The following TRIO variants were observed in gnomAD, a reference collection of about 807,000 sequenced individuals.
TRIO encodes the protein trio Rho guanine nucleotide exchange factor, also known as triple functional domain protein.
Under a neutral mutation model 351.9 loss-of-function variants are expected in TRIO, and 58 were observed. The observed-to-expected ratio is 0.16, with a 90% confidence interval of 0.13 to 0.21. TRIO has a LOEUF of 0.21. TRIO is among the 10% of genes least tolerant of loss of function. The probability of loss-of-function intolerance (pLI) is 1.00; values close to 1 mark genes in which losing one functional copy is unlikely to be tolerated. For synonymous variants in TRIO, 1,758 were observed against 1,595.7 expected, an observed-to-expected ratio of 1.10 and a Z score of -2.42; for missense variants, 3,201 against 4,027.8, an observed-to-expected ratio of 0.79 and a Z score of 5.56.
At chr5:14,454,365 G>A (rs372838466) in intron 34 of TRIO, among the ~76,000 whole-genome samples, 72 of 152,334 alleles carry the variant, frequency 4.7e-4, no homozygotes, top group African/African-American at 1.5e-3. Context: ...AGTAACACAA[G>A]TGAGAGATGA....
chr5:14,256,030 TAAAG>T (rs895619463), intron 1 of TRIO, among the ~76,000 whole-genome samples: 3 of 152,216 alleles, frequency 2.0e-5, no homozygotes. Context: ...TTTGTTGCTA[TAAAG>T]AAATATTGGA....
chr5:14,349,390 C>T (rs1161793257), intron 11 of TRIO, among the ~76,000 whole-genome samples: 1 of 152,154 alleles, frequency 6.6e-6, no homozygotes, highest in African/African-American at 2.4e-5. Context: ...GTGTGTTTTA[C>T]CCTATTATTC....
chr5:14,328,413 A>G (rs1243595304), intron 9 of TRIO, among the ~76,000 whole-genome samples: 2 of 152,242 alleles, frequency 1.3e-5, no homozygotes, highest in Non-Finnish European at 2.9e-5. Flanking sequence ...AATGCGCCCA[A>G]TATGCTATTT....
At chr5:14,186,700 C>A (rs1180785980) in intron 1 of TRIO, among the ~76,000 whole-genome samples, 2 of 152,074 alleles carry the variant, frequency 1.3e-5, no homozygotes, top group Non-Finnish European at 2.9e-5. Context: ...GCCTCAGCCT[C>A]CTAAGTAGTT....
intron 33 of TRIO, among the ~76,000 whole-genome samples, chr5:14,408,616 T>C (rs1271539411): frequency 1.3e-5 from 2 of 152,196 alleles, no homozygotes; most frequent in South Asian, 2.1e-4. Flanking sequence ...TAGAGTAATA[T>C]TGATAAATTT....
intron 34 of TRIO, among the ~76,000 whole-genome samples, chr5:14,456,591 G>T (rs974312610): frequency 2.0e-5 from 3 of 152,196 alleles, no homozygotes; most frequent in South Asian, 2.1e-4. Context: ...CTGGGCAGGG[G>T]GTCTCATGCT....
At chr5:14,342,761 C>G (rs887450192) in intron 11 of TRIO, among the ~76,000 whole-genome samples, 1 of 152,174 alleles carries the variant, frequency 6.6e-6, no homozygotes, top group African/African-American at 2.4e-5. Flanking sequence ...TTGTTTCTTT[C>G]ATTCCTATTT....
At chr5:14,390,878 A>G in intron 26 of TRIO, 23 bp from the exon 27 acceptor site, 3 of 1,557,030 alleles carry the variant, frequency 1.9e-6, no homozygotes, top group Non-Finnish European at 2.6e-6. Flanking sequence ...TTTAAATGAG[A>G]TCTTTTTTTT....
intron 18 of TRIO, among the ~76,000 whole-genome samples, chr5:14,372,619 T>C (rs1237446658): frequency 6.6e-6 from 1 of 152,236 alleles, no homozygotes; most frequent in Non-Finnish European, 1.5e-5. Context: ...AAATGCTTGC[T>C]TGATCCTTTT....
intron 34 of TRIO, among the ~76,000 whole-genome samples, chr5:14,454,413 A>G (rs1181886830): frequency 6.6e-6 from 1 of 152,210 alleles, no homozygotes; most frequent in Non-Finnish European, 1.5e-5. Flanking sequence ...TTGAATTATC[A>G]TCTTTGAATA....
chr5:14,218,765 C>T (rs1188801650), intron 1 of TRIO, among the ~76,000 whole-genome samples: 1 of 152,216 alleles, frequency 6.6e-6, no homozygotes. Flanking sequence ...GTTCCGCGGC[C>T]ACTGCCCTCC....
intron 53 of TRIO, among the ~76,000 whole-genome samples, chr5:14,501,483 G>A (rs1162005992): frequency 1.3e-5 from 2 of 152,184 alleles, no homozygotes; most frequent in South Asian, 2.1e-4. Flanking sequence ...GTCATGTAGC[G>A]GTCAGCAGTA....
intron 34 of TRIO, among the ~76,000 whole-genome samples, chr5:14,426,503 A>G (rs1199125229): frequency 6.6e-6 from 1 of 152,208 alleles, no homozygotes; most frequent in Non-Finnish European, 1.5e-5. Context: ...GATGAACTCC[A>G]AGGAACGCTG....
chr5:14,147,739 T>C (rs545141669), intron 1 of TRIO, among the ~76,000 whole-genome samples: 2 of 152,300 alleles, frequency 1.3e-5, no homozygotes, highest in African/African-American at 4.8e-5. Context: ...TGAGAGAAGC[T>C]TTTCTTCATA....
At chr5:14,473,451 T>C (rs997887831) in intron 39 of TRIO, among the ~76,000 whole-genome samples, 6 of 152,148 alleles carry the variant, frequency 3.9e-5, no homozygotes, top group African/African-American at 1.4e-4. Flanking sequence ...TTGTTCACAA[T>C]GAGATAAGCA....
chr5:14,407,026 T>A (rs780829601), intron 33 of TRIO, among the ~76,000 whole-genome samples: 3 of 152,080 alleles, frequency 2.0e-5, no homozygotes, highest in Non-Finnish European at 2.9e-5. Flanking sequence ...CAGCGTATGT[T>A]TTAATTTAGG....
chr5:14,258,549 C>T (rs967605360), intron 1 of TRIO, among the ~76,000 whole-genome samples: 24 of 152,200 alleles, frequency 1.6e-4, no homozygotes, highest in Non-Finnish European at 2.4e-4. Flanking sequence ...ACAGATTCCC[C>T]AGCCTACAAG....
chr5:14,215,867 C>T (rs924389032), intron 1 of TRIO, among the ~76,000 whole-genome samples: 3 of 152,016 alleles, frequency 2.0e-5, no homozygotes, highest in South Asian at 2.1e-4. Flanking sequence ...GAGTCGGTGA[C>T]TTATTTATGT....
intron 49 of TRIO, 44 bp from the exon 50 acceptor site, chr5:14,496,835 A>G (rs376299610): frequency 5.2e-5 from 84 of 1,602,286 alleles, no homozygotes; most frequent in South Asian, 5.0e-4. Context: ...CACTTGGTGA[A>G]TGTTGGAAAG....
Sources: gnomAD v4.1 joint callset for allele counts (sites outside exome capture counted in the v4.1 genomes callset) on GRCh38, gnomAD v4.1.1 for gene constraint, MANE v1.5 for transcripts, NCBI Gene and HGNC (gene_info 2026-07-23, HGNC 2026-07-21) for gene names.